The following SDHB variants were observed in gnomAD, a reference collection of about 807,000 sequenced individuals.
SDHB encodes succinate dehydrogenase [ubiquinone] iron-sulfur subunit, mitochondrial.
Under a neutral mutation model 39.7 loss-of-function variants are expected in SDHB, and 21 were observed. That is an observed-to-expected ratio of 0.53 (90% confidence interval 0.37 to 0.76). The LOEUF (loss-of-function observed/expected upper bound fraction) is 0.76, where lower values mean the gene tolerates loss of function less well. Among genes scored for constraint, SDHB ranks in the 30% least tolerant of loss-of-function variants. SDHB has a pLI of 0.00. For missense variants in SDHB, 343 were observed against 350.9 expected (o/e 0.98, Z 0.18); for synonymous variants, 118 against 117.0 (o/e 1.01, Z -0.06).
intron 2 of SDHB, among the ~76,000 whole-genome samples, chr1:17,042,767 C>A (rs1241337515): frequency 1.6e-5 from 2 of 127,026 alleles, no homozygotes; most frequent in East Asian, 2.1e-4. Flanking sequence ...GACAGCGAGA[C>A]CCTGACTCAA....
rs1557741472 is a variant in SDHB, at chr1:17,028,658, T to C, written c.365A>G (p.Asn122Ser). 6 of 1,614,054 alleles carry C rather than the reference T, an allele frequency of 3.7e-6. No homozygotes were observed. Among genetic ancestry groups the C allele is most frequent in the African/African-American group, 2.7e-5 (2 of 74,926 alleles). ...AAGAGGGTAGATTTTTGAGACCTTA[T>C]TGAGGTTGGTGTCAATCCTTCGGGT... is the stretch of plus-strand genomic sequence containing the variant. ...ACTRRIDTNL[N>S]KVSKIYPLPH... The change falls in exon 4 of 8, where the codon AAT becomes AGT. Residue 122 changes from asparagine (N) to serine (S), a missense_variant. Coordinates refer to ENST00000375499, the MANE Select transcript of SDHB (RefSeq NM_003000.3).
At chr1:17,042,622 A>G (rs2078087162) in intron 2 of SDHB, among the ~76,000 whole-genome samples, 1 of 152,158 alleles carries the variant, frequency 6.6e-6, no homozygotes, top group Non-Finnish European at 1.5e-5. Context: ...TACAAAAAAT[A>G]CAAAACTTAG....
chr1:17,021,767 G>A (rs976367827), intron 7 of SDHB, among the ~76,000 whole-genome samples: 9 of 152,046 alleles, frequency 5.9e-5, no homozygotes, highest in Admixed American at 1.3e-4. Flanking sequence ...AAAAAAGGCT[G>A]AGCTTGGGCT....
At chr1:17,028,291 TTA>T in intron 4 of SDHB, among the ~76,000 whole-genome samples, 1 of 152,216 alleles carries the variant, frequency 6.6e-6, no homozygotes, top group Non-Finnish European at 1.5e-5. Context: ...CTGTGCCCCA[TTA>T]TTCTCAAACA....
chr1:17,041,154 C>A (rs1044280871), intron 2 of SDHB, among the ~76,000 whole-genome samples: 7 of 151,976 alleles, frequency 4.6e-5, no homozygotes, highest in South Asian at 2.1e-4. Flanking sequence ...CAAACAACAA[C>A]AAAAAACTAT....
At chr1:17,024,186 C>T (rs2077979844) in intron 5 of SDHB, 112 bp from the exon 6 acceptor site, 8 of 745,806 alleles carry the variant, frequency 1.1e-5, no homozygotes, top group Admixed American at 2.0e-5. Flanking sequence ...TGCCTACTTG[C>T]ATGTGAATTT....
At chr1:17,037,332 C>T (rs973400925) in intron 2 of SDHB, among the ~76,000 whole-genome samples, 1 of 151,716 alleles carries the variant, frequency 6.6e-6, no homozygotes, top group Non-Finnish European at 1.5e-5. Context: ...ACAGCGTCTC[C>T]CTCTGTTGCC....
At chr1:17,021,307 G>T (rs2077961024) in intron 7 of SDHB, among the ~76,000 whole-genome samples, 1 of 152,230 alleles carries the variant, frequency 6.6e-6, no homozygotes, top group African/African-American at 2.4e-5. Context: ...GATTAGTCAG[G>T]TGTGGTGGTG....
chr1:17,046,594 A>G (rs2078111450), intron 1 of SDHB, among the ~76,000 whole-genome samples: 1 of 152,190 alleles, frequency 6.6e-6, no homozygotes, highest in African/African-American at 2.4e-5. Context: ...GAATTCATAT[A>G]AATGGCATCA....
intron 3 of SDHB, 136 bp downstream of exon 3, chr1:17,032,924 A>C: frequency 1.4e-6 from 1 of 726,742 alleles, no homozygotes; most frequent in East Asian, 2.7e-5. Flanking sequence ...ACCCAAGAAA[A>C]GGAATTAGGT....
chr1:17,033,219 G>C, intron 2 of SDHB, 74 bp from the exon 3 acceptor site: 2 of 1,147,056 alleles, frequency 1.7e-6, no homozygotes, highest in Non-Finnish European at 2.6e-6. Flanking sequence ...TATAATCGGA[G>C]ACACCTGGAT....
At chr1:17,021,983 G>A (rs940759885) in intron 7 of SDHB, among the ~76,000 whole-genome samples, 4 of 152,200 alleles carry the variant, frequency 2.6e-5, no homozygotes, top group Non-Finnish European at 5.9e-5. Context: ...TGTGGCCTCT[G>A]ATGTGCAGGC....
chr1:17,028,873 G>C, intron 3 of SDHB, 137 bp from the exon 4 acceptor site: 1 of 1,082,932 alleles, frequency 9.2e-7, no homozygotes, highest in Non-Finnish European at 1.4e-6. Context: ...AGAGGTGCCT[G>C]TTGGCTTTTC....
At chr1:17,029,618 T>C (rs2078012267) in intron 3 of SDHB, among the ~76,000 whole-genome samples, 1 of 152,018 alleles carries the variant, frequency 6.6e-6, no homozygotes, top group Non-Finnish European at 1.5e-5. Flanking sequence ...CCACTGTTAT[T>C]TGAACACAAA....
At chr1:17,046,063 A>T (rs564676724) in intron 1 of SDHB, among the ~76,000 whole-genome samples, 60 of 152,226 alleles carry the variant, frequency 3.9e-4, no homozygotes, top group Non-Finnish European at 7.9e-4. Flanking sequence ...ATTTCTTGGT[A>T]AAGTGTCCCG....
intron 2 of SDHB, 83 bp from the exon 3 acceptor site, chr1:17,033,228 A>T: frequency 9.3e-7 from 1 of 1,076,774 alleles, no homozygotes; most frequent in Non-Finnish European, 1.4e-6. Flanking sequence ...AGACACCTGG[A>T]TGTATTAGCT....
chr1:17,053,332 T>C (rs1241799201), intron 1 of SDHB, among the ~76,000 whole-genome samples: 2 of 152,174 alleles, frequency 1.3e-5, no homozygotes, highest in Non-Finnish European at 2.9e-5. Context: ...GAGAGGATAC[T>C]AGTGAAACTG....
At chr1:17,033,666 G>A (rs1441091108) in intron 2 of SDHB, among the ~76,000 whole-genome samples, 5 of 152,342 alleles carry the variant, frequency 3.3e-5, no homozygotes, top group Non-Finnish European at 4.4e-5. Flanking sequence ...ATCCCTGGGC[G>A]TGGGACCTGG....
intron 3 of SDHB, among the ~76,000 whole-genome samples, chr1:17,029,805 C>T (rs1032321011): frequency 9.9e-5 from 15 of 152,200 alleles, no homozygotes; most frequent in Non-Finnish European, 1.8e-4. Flanking sequence ...CTCACTGTAG[C>T]TCACTTTAGC....
Sources: gnomAD v4.1 joint callset for allele counts (sites outside exome capture counted in the v4.1 genomes callset) on GRCh38, gnomAD v4.1.1 for gene constraint, MANE v1.5 for transcripts, NCBI Gene and HGNC (gene_info 2026-07-23, HGNC 2026-07-21) for gene names.